The following CRYBG1 variants were observed in gnomAD, a reference collection of about 807,000 sequenced individuals.
The protein encoded by CRYBG1 is crystallin beta-gamma domain containing 1.
A neutral mutation model predicts 189.2 loss-of-function variants in CRYBG1; 139 were observed. The observed-to-expected ratio is 0.73, with a 90% CI of 0.64 to 0.85. CRYBG1 has a LOEUF of 0.85. Ranked by LOEUF, CRYBG1 falls within the 40% of genes least tolerant of loss-of-function variation. The pLI is 0.00. For missense variants in CRYBG1, 2,611 were observed against 2,675.8 expected, an observed-to-expected ratio of 0.98 and a Z score of 0.53; for synonymous variants, 1,023 against 1,017.1, an observed-to-expected ratio of 1.01 and a Z score of -0.11.
chr6:106,561,045 C>A, intron 19 of CRYBG1, 119 bp downstream of exon 19: 2 of 1,147,572 alleles, frequency 1.7e-6, no homozygotes, highest in Non-Finnish European at 2.4e-6. Flanking sequence ...ACCCTATAAA[C>A]TCCTTCCCTG....
intron 3 of CRYBG1, among the ~76,000 whole-genome samples, chr6:106,515,728 C>T (rs1416017749): frequency 6.6e-6 from 1 of 151,524 alleles, no homozygotes; most frequent in Non-Finnish European, 1.5e-5. Context: ...GAAAGCAATG[C>T]CTGGGAGAAA....
intron 1 of CRYBG1, among the ~76,000 whole-genome samples, chr6:106,434,170 G>T (rs371052654): frequency 8.0e-6 from 1 of 125,760 alleles, no homozygotes; most frequent in East Asian, 2.5e-4. Flanking sequence ...GAGAGAGAGA[G>T]ATTGAGACAG....
chr6:106,361,012 A>T lies in CRYBG1; in HGVS notation c.104A>T (p.Gln35Leu). Residue 35 changes from glutamine to leucine, a missense_variant, in exon 1 of 22, where the codon CAG becomes CTG. This residue lies in a region of CRYBG1 where 985 missense variants were observed against 924.4 expected (regional missense o/e 1.07). Transcript: ENST00000633556. ...TFHLWRSKKK[Q>L]QPAPPDCGVF... ...CACCTCTGGCGCTCCAAAAAGAAGCAGCAGCCGGCGCCGCCTGACTGTGGG... is the reference window on the plus strand; with the variant it reads ...CACCTCTGGCGCTCCAAAAAGAAGCTGCAGCCGGCGCCGCCTGACTGTGGG... 1 of 1,535,128 alleles carries T rather than the reference A, an allele frequency of 6.5e-7. No individual in the cohort carries two copies. Among genetic ancestry groups the T allele is most frequent in the South Asian group, 1.2e-5 (1 of 84,050 alleles).
intron 2 of CRYBG1, among the ~76,000 whole-genome samples, chr6:106,492,393 A>AT (rs778401912): frequency 3.9e-5 from 6 of 152,210 alleles, no homozygotes; most frequent in Non-Finnish European, 8.8e-5. Context: ...TACCAAACAA[A>AT]TGTTTATAAT....
intron 21 of CRYBG1, among the ~76,000 whole-genome samples, chr6:106,567,440 T>C (rs770422233): frequency 3.9e-5 from 6 of 152,264 alleles, no homozygotes; most frequent in Non-Finnish European, 8.8e-5. Flanking sequence ...TCCTCAACTA[T>C]AATACCTAGA....
chr6:106,561,042 A>T, intron 19 of CRYBG1, 116 bp downstream of exon 19: 1 of 1,180,214 alleles, frequency 8.5e-7, no homozygotes, highest in Non-Finnish European at 1.2e-6. Flanking sequence ...CTCACCCTAT[A>T]AACTCCTTCC....
chr6:106,371,361 A>G (rs1490961470), intron 1 of CRYBG1, among the ~76,000 whole-genome samples: 2 of 152,208 alleles, frequency 1.3e-5, no homozygotes, highest in Admixed American at 6.5e-5. Context: ...TGTCATTACA[A>G]ACCTAAGAAC....
At chr6:106,430,850 C>T (rs1205492652) in intron 1 of CRYBG1, among the ~76,000 whole-genome samples, 3 of 151,986 alleles carry the variant, frequency 2.0e-5, no homozygotes, top group South Asian at 4.2e-4. Flanking sequence ...GGGCAATTGT[C>T]GGAACTGTCT....
At chr6:106,548,123 C>T (rs1582831987) in intron 13 of CRYBG1, among the ~76,000 whole-genome samples, 1 of 152,142 alleles carries the variant, frequency 6.6e-6, no homozygotes. Flanking sequence ...GCCTTTCCCC[C>T]GTCTCCCCAC....
At chr6:106,383,903 T>A (rs1379839712) in intron 1 of CRYBG1, among the ~76,000 whole-genome samples, 1 of 152,194 alleles carries the variant, frequency 6.6e-6, no homozygotes, top group Non-Finnish European at 1.5e-5. Context: ...CTAGGGAAGT[T>A]ATAATTGTGG....
rs1377146257 is a variant in CRYBG1, at chr6:106,542,847, C to T, written c.4882-593C>T. 2.9e-5 allele frequency among the ~76,000 whole-genome samples: 4 copies of T among 139,608 alleles called. No homozygotes were observed. In the East Asian group the frequency reaches 6.8e-4, roughly 24 times the overall value. The allele number at this position is 139,608 out of a possible 152,430, so 91.6% of individuals were successfully genotyped here. A position where few individuals can be genotyped will look rare whatever the true frequency, so the allele number is the denominator to read the frequency against. On this transcript the variant is annotated intron_variant, in intron 10 of 21. Transcript: ENST00000633556. ...TATTTTTAGCAGAGATGGGGTTTCA[C>T]CATATTGCCCAGGTTGGTCTCAAAC...
At chr6:106,419,906 T>A (rs1432059574) in intron 1 of CRYBG1, among the ~76,000 whole-genome samples, 1 of 152,228 alleles carries the variant, frequency 6.6e-6, no homozygotes, top group Non-Finnish European at 1.5e-5. Context: ...CTAGGCCAGA[T>A]GATATTGATT....
chr6:106,504,792 G>A (rs1490611260), intron 2 of CRYBG1, among the ~76,000 whole-genome samples: 1 of 152,042 alleles, frequency 6.6e-6, no homozygotes, highest in Non-Finnish European at 1.5e-5. Flanking sequence ...AATGTCTGTG[G>A]TATCAGGGAT....
Position 106,479,002 on chromosome 6 carries a change from G to A in CRYBG1, c.312+27170G>A, listed in dbSNP as rs568136455. 6.0e-4 allele frequency among the ~76,000 whole-genome samples: 92 copies of A among 152,174 alleles called. 1 individual carries two copies. Among genetic ancestry groups the A allele is most frequent in the Non-Finnish European group, 1.1e-3 (72 of 68,036 alleles). ...AATTATACAATGTGTAGCTTTTTGC[G>A]TCTGGCTTCTTTCACTTAGTATAAC... On this transcript the variant is annotated intron_variant, in intron 2 of 21. Transcript: ENST00000633556.
chr6:106,450,210 C>G lies in CRYBG1; in HGVS notation c.174-1484C>G, dbSNP rs370448138. Among the ~76,000 whole-genome samples, 433 of 124,602 alleles carry G rather than the reference C, an allele frequency of 3.5e-3. 3 individuals are homozygous for G. Among genetic ancestry groups the G allele is most frequent in the African/African-American group, 0.014 (415 of 30,174 alleles). 81.7% of individuals were successfully genotyped at this position (124,602 alleles called of 152,430 possible). ...TCCAGCCTGGTGACAGAGTGAGACT[C>G]TGTCTCAAAAAAAAAAAAAAAAAAG... is the stretch of plus-strand genomic sequence containing the variant. On this transcript the variant is annotated intron_variant, in intron 1 of 21. Coordinates refer to ENST00000633556, the MANE Select transcript of CRYBG1 (RefSeq NM_001371242.2).
intron 1 of CRYBG1, among the ~76,000 whole-genome samples, chr6:106,372,575 A>G (rs1227749463): frequency 1.3e-5 from 2 of 152,236 alleles, no homozygotes; most frequent in African/African-American, 4.8e-5. Flanking sequence ...TTTAATGGCA[A>G]AAACTGCAAT....
intron 7 of CRYBG1, among the ~76,000 whole-genome samples, chr6:106,529,473 C>T (rs1302006823): frequency 6.6e-6 from 1 of 152,186 alleles, no homozygotes; most frequent in African/African-American, 2.4e-5. Flanking sequence ...TGAAAAGCCT[C>T]ATCTGAGCTT....
chr6:106,403,893 G>T (rs1770769501), intron 1 of CRYBG1, among the ~76,000 whole-genome samples: 1 of 152,232 alleles, frequency 6.6e-6, no homozygotes, highest in African/African-American at 2.4e-5. Context: ...GTGCAAAACA[G>T]AAATCTAGAG....
At position 106,487,044 on chromosome 6, in the gene CRYBG1, CTT is replaced by C. The variant is rs926961080; in HGVS notation, c.313-24384_313-24383del. On this transcript the variant is annotated intron_variant, in intron 2 of 21. Transcript: ENST00000633556. ...CTTGGTGGTTTTCTGTAGTACCAACCTTTGTTTCCTTTCTCTTTGTTGTTTGT... is the reference window on the plus strand; with the variant it reads ...CTTGGTGGTTTTCTGTAGTACCAACCTGTTTCCTTTCTCTTTGTTGTTTGT... 7.9e-5 allele frequency among the ~76,000 whole-genome samples: 12 copies of C among 151,798 alleles called. 1 individual carries two copies. The highest frequency in any genetic ancestry group is 2.9e-4 in the African/African-American group (12 of 41,334).
Sources: gnomAD v4.1 joint callset for allele counts (sites outside exome capture counted in the v4.1 genomes callset) on GRCh38, gnomAD v4.1.1 for gene constraint, gnomAD v4.1.1 regional missense constraint, MANE v1.5 for transcripts, NCBI Gene and HGNC (gene_info 2026-07-23, HGNC 2026-07-21) for gene names.